The following JAM3 variants were observed in gnomAD, a reference collection of about 807,000 sequenced individuals.
JAM3 encodes the protein junctional adhesion molecule 3, also known as junctional adhesion molecule C.
JAM3 carries 31 observed loss-of-function variants against 39.4 expected under a neutral mutation model. That is an observed-to-expected ratio of 0.79 (90% CI 0.59 to 1.06). The LOEUF is 1.06. Among genes scored for constraint, JAM3 ranks in the 50% least tolerant of loss-of-function variants. The probability of loss-of-function intolerance (pLI) is 0.00; values close to 1 mark genes in which losing one functional copy is unlikely to be tolerated. For synonymous variants in JAM3, 182 were observed against 148.7 expected (o/e 1.22, Z -1.63); for missense variants, 455 against 391.4 (o/e 1.16, Z -1.37).
intron 1 of JAM3, among the ~76,000 whole-genome samples, chr11:134,102,768 T>C (rs769786384): frequency 2.0e-5 from 3 of 152,148 alleles, no homozygotes; most frequent in Non-Finnish European, 2.9e-5. Context: ...GTATCAGTGA[T>C]TGAAGATCAA....
chr11:134,120,272 G>A (rs937146562), intron 1 of JAM3, among the ~76,000 whole-genome samples: 4 of 152,194 alleles, frequency 2.6e-5, no homozygotes, highest in African/African-American at 4.8e-5. Flanking sequence ...GTGCAGCCTC[G>A]CAGTAATGCA....
Position 134,149,466 on chromosome 11 carries a change from G to A in JAM3, c.*285G>A, listed in dbSNP as rs597320. ...TGTTTCTGGCCTGATTCCCGCATGA[G>A]TATTAGGGTGATCTTAAAGAGTTTG... On this transcript the variant is annotated 3_prime_UTR_variant, in exon 9 of 9. Transcript: ENST00000299106. The A allele has an allele frequency of 0.4, 229,618 of 569,238 alleles. 49,261 individuals are homozygous for A. The highest frequency in any genetic ancestry group is 0.66 in the African/African-American group (35,529 of 53,600). 35.3% of individuals were successfully genotyped at this position (569,238 alleles called of 1,614,324 possible). A position where few individuals can be genotyped will look rare whatever the true frequency, so the allele number is the denominator to read the frequency against.
intron 1 of JAM3, among the ~76,000 whole-genome samples, chr11:134,118,694 T>C (rs1942481897): frequency 6.6e-6 from 1 of 152,140 alleles, no homozygotes; most frequent in African/African-American, 2.4e-5. Flanking sequence ...TACTTGGTGG[T>C]TTGATGGTGA....
chr11:134,083,010 G>A (rs752814108), intron 1 of JAM3, among the ~76,000 whole-genome samples: 1 of 152,168 alleles, frequency 6.6e-6, no homozygotes, highest in Non-Finnish European at 1.5e-5. Flanking sequence ...TTTTATGGAT[G>A]ATGACTATTA....
At chr11:134,074,258 T>A (rs1412898602) in intron 1 of JAM3, among the ~76,000 whole-genome samples, 1 of 152,238 alleles carries the variant, frequency 6.6e-6, no homozygotes, top group African/African-American at 2.4e-5. Flanking sequence ...TTTGTTTTCC[T>A]GGTTGATTCT....
chr11:134,098,146 G>T (rs1176260723), intron 1 of JAM3, among the ~76,000 whole-genome samples: 1 of 152,082 alleles, frequency 6.6e-6, no homozygotes, highest in Non-Finnish European at 1.5e-5. Flanking sequence ...TGTCACCCAA[G>T]CTCTGCTCTC....
At position 134,146,033 on chromosome 11, in the gene JAM3, G is replaced by C. The variant is rs1436449984; in HGVS notation, c.700G>C (p.Glu234Gln). The C allele has an allele frequency of 1.9e-6, 3 of 1,612,376 alleles. No homozygotes were observed. Among genetic ancestry groups the C allele is most frequent in the Non-Finnish European group, 2.5e-6 (3 of 1,178,454 alleles). Residue 234 changes from glutamate (E) to glutamine (Q), a missense_variant, in exon 6 of 9, where the codon GAG (glutamate) becomes CAG (glutamine). Coordinates refer to ENST00000299106, the MANE Select transcript of JAM3 (RefSeq NM_032801.5). ...AGGCTCAGCCAGGTGTGAGGAGCAGGAGATGGAAGTCTGTGAGTTTCTTTT... is the reference window on the plus strand; with the variant it reads ...AGGCTCAGCCAGGTGTGAGGAGCAGCAGATGGAAGTCTGTGAGTTTCTTTT... Reference protein sequence around the residue: ...DAGSARCEEQEMEVYDLNIGG... With the variant: ...DAGSARCEEQQMEVYDLNIGG...
intron 1 of JAM3, among the ~76,000 whole-genome samples, chr11:134,128,325 G>A (rs1326619122): frequency 6.6e-6 from 1 of 152,186 alleles, no homozygotes; most frequent in Non-Finnish European, 1.5e-5. Context: ...CTCTCTCTGA[G>A]CTGGGATTAA....
At chr11:134,098,719 G>T (rs1942025961) in intron 1 of JAM3, among the ~76,000 whole-genome samples, 1 of 152,112 alleles carries the variant, frequency 6.6e-6, no homozygotes, top group African/African-American at 2.4e-5. Context: ...TGATTTTGAG[G>T]TATACTGCAC....
intron 1 of JAM3, among the ~76,000 whole-genome samples, chr11:134,104,916 C>G (rs1164205250): frequency 6.6e-6 from 1 of 152,170 alleles, no homozygotes; most frequent in Non-Finnish European, 1.5e-5. Flanking sequence ...CAGCCGAATT[C>G]TACCAGAGGT....
chr11:134,119,409 A>G (rs1476241259), intron 1 of JAM3, among the ~76,000 whole-genome samples: 1 of 152,262 alleles, frequency 6.6e-6, no homozygotes, highest in African/African-American at 2.4e-5. Flanking sequence ...TAATGTCTAT[A>G]CAGTGAAATG....
At position 134,149,716 on chromosome 11, in the gene JAM3, T is replaced by C; in HGVS notation, c.*535T>C. 2.2e-6 allele frequency: 1 copy of C among 449,344 alleles called. No individual in the cohort carries two copies. Among genetic ancestry groups the C allele is most frequent in the Non-Finnish European group, 4.5e-6 (1 of 224,618 alleles). The allele number at this position is 449,344 out of a possible 1,614,324, so 27.8% of individuals were successfully genotyped here. A position where few individuals can be genotyped will look rare whatever the true frequency, so the allele number is the denominator to read the frequency against. On this transcript the variant is annotated 3_prime_UTR_variant, in exon 9 of 9. Coordinates refer to ENST00000299106, the MANE Select transcript of JAM3 (RefSeq NM_032801.5). ...GGCTCTGCTGATCGGTGTTGCAGTG[T>C]CCATTGTGGAGAAGCTTTTTGGATC...
chr11:134,091,857 A>G (rs1175446329), intron 1 of JAM3, among the ~76,000 whole-genome samples: 1 of 149,232 alleles, frequency 6.7e-6, no homozygotes. Flanking sequence ...TTTTTCTTTA[A>G]CTGTAGGAAT....
chr11:134,120,463 C>T (rs1942510358), intron 1 of JAM3, among the ~76,000 whole-genome samples: 2 of 152,222 alleles, frequency 1.3e-5, no homozygotes, highest in Non-Finnish European at 2.9e-5. Flanking sequence ...TCCTTCTTGG[C>T]TTACTGTAAT....
At chr11:134,140,602 G>C (rs1942956303) in intron 2 of JAM3, 55 bp from the exon 3 acceptor site, 1 of 1,437,886 alleles carries the variant, frequency 7.0e-7, no homozygotes, top group Non-Finnish European at 9.8e-7. Context: ...GGGTGCAGCT[G>C]AACGTAGAAG....
intron 1 of JAM3, among the ~76,000 whole-genome samples, chr11:134,102,000 G>C (rs1416071958): frequency 2.6e-5 from 4 of 152,180 alleles, no homozygotes; most frequent in African/African-American, 9.6e-5. Context: ...GCTACAGGGA[G>C]TTGTGATCAT....
intron 1 of JAM3, among the ~76,000 whole-genome samples, chr11:134,134,419 AAAACAT>A (rs1454916032): frequency 2.6e-5 from 4 of 151,326 alleles, no homozygotes; most frequent in African/African-American, 9.7e-5. Context: ...AAAAAAAAAA[AAAACAT>A]CTAGGCATAT....
intron 1 of JAM3, among the ~76,000 whole-genome samples, chr11:134,121,821 G>GCACGCACACACA: frequency 6.7e-6 from 1 of 148,516 alleles, no homozygotes; most frequent in African/African-American, 2.5e-5. Flanking sequence ...GCATGTGTGC[G>GCACGCACACACA]CACACACACA....
rs537381988 is a variant in JAM3, at chr11:134,130,002, CAAA to C, written c.77-9841_77-9839del. Among the ~76,000 whole-genome samples, 193 of 142,892 alleles carry C rather than the reference CAAA, an allele frequency of 1.4e-3. 3 individuals carry two copies. In the South Asian group the frequency reaches 0.022, roughly 17 times the overall value. 93.7% of individuals were successfully genotyped at this position (142,892 alleles called of 152,430 possible). On this transcript the variant is annotated intron_variant, in intron 1 of 8. Coordinates refer to ENST00000299106, the MANE Select transcript of JAM3 (RefSeq NM_032801.5). ...TGGTTACAGAGTGAGATTCTGTCTC[CAAA>C]AAAAAAAGTCAGTAAGAGTATTAAA...
Sources: allele counts gnomAD v4.1 joint callset (sites outside exome capture counted in the v4.1 genomes callset), GRCh38; gene constraint gnomAD v4.1.1; transcripts MANE v1.5; gene names NCBI Gene and HGNC (gene_info 2026-07-23, HGNC 2026-07-21).